The following ERC2 variants were observed in gnomAD, a reference collection of about 807,000 sequenced individuals.
ERC2 encodes ERC protein 2.
A neutral mutation model predicts 114.8 loss-of-function variants in ERC2; 42 were observed. The ratio of observed to expected loss-of-function variants is 0.37; its 90% CI spans 0.29 to 0.47. ERC2 has a LOEUF of 0.47. Among genes scored for constraint, ERC2 ranks in the 20% least tolerant of loss-of-function variants. The pLI, the probability that ERC2 is intolerant of heterozygous loss-of-function variation, is 0.99. For synonymous variants in ERC2, 454 were observed against 425.5 expected (o/e 1.07, Z -0.82); for missense variants, 939 against 1,150.7 (o/e 0.82, Z 2.66).
intron 2 of ERC2, among the ~76,000 whole-genome samples, chr3:56,401,982 G>A (rs1263901932): frequency 6.6e-6 from 1 of 152,170 alleles, no homozygotes; most frequent in South Asian, 2.1e-4. Context: ...TGTCTTACAT[G>A]GCAGCAAGCA....
At chr3:55,685,305 A>C (rs1394440308) in intron 16 of ERC2, among the ~76,000 whole-genome samples, 1 of 152,172 alleles carries the variant, frequency 6.6e-6, no homozygotes, top group Non-Finnish European at 1.5e-5. Context: ...ACTCAGTATG[A>C]ATTTTCACTT....
intron 17 of ERC2, among the ~76,000 whole-genome samples, chr3:55,644,683 A>G (rs1386314671): frequency 1.3e-5 from 2 of 152,032 alleles, no homozygotes; most frequent in African/African-American, 4.8e-5. Flanking sequence ...ATGATGAATA[A>G]ATAATATATA....
At chr3:56,439,618 C>A (rs1418965885) in intron 1 of ERC2, among the ~76,000 whole-genome samples, 2 of 151,428 alleles carry the variant, frequency 1.3e-5, no homozygotes, top group Non-Finnish European at 2.9e-5. Flanking sequence ...ATTGGCATTG[C>A]TTTGTATAAC....
chr3:55,534,916 A>C (rs970406780), intron 17 of ERC2, among the ~76,000 whole-genome samples: 1 of 152,194 alleles, frequency 6.6e-6, no homozygotes, highest in Non-Finnish European at 1.5e-5. Flanking sequence ...GCTGAGCATC[A>C]TGGTCAATGG....
intron 14 of ERC2, among the ~76,000 whole-genome samples, chr3:55,813,646 T>C (rs1325425606): frequency 1.3e-5 from 2 of 152,210 alleles, no homozygotes; most frequent in Non-Finnish European, 2.9e-5. Context: ...ATGCTAGCCT[T>C]CTTCTCAGTA....
chr3:56,447,576 T>C (rs1215599629), intron 1 of ERC2, among the ~76,000 whole-genome samples: 1 of 152,162 alleles, frequency 6.6e-6, no homozygotes, highest in East Asian at 1.9e-4. Context: ...TTGCAATATA[T>C]TGTAATATAC....
intron 16 of ERC2, among the ~76,000 whole-genome samples, chr3:55,692,377 G>A (rs917708606): frequency 3.9e-5 from 6 of 152,172 alleles, no homozygotes; most frequent in African/African-American, 1.4e-4. Flanking sequence ...AAAAGCAGGT[G>A]GGTTTTATGA....
At chr3:56,300,865 A>G (rs762557925) in intron 2 of ERC2, among the ~76,000 whole-genome samples, 5 of 152,226 alleles carry the variant, frequency 3.3e-5, no homozygotes, top group Non-Finnish European at 7.3e-5. Context: ...AAATGCTTCA[A>G]GATGGCAGGA....
At chr3:56,352,080 T>A (rs1242858243) in intron 2 of ERC2, among the ~76,000 whole-genome samples, 2 of 152,150 alleles carry the variant, frequency 1.3e-5, no homozygotes, top group African/African-American at 2.4e-5. Flanking sequence ...ATGAGATCTT[T>A]ACATTTTATC....
chr3:56,100,653 C>T (rs2045225585), intron 6 of ERC2, among the ~76,000 whole-genome samples: 1 of 152,214 alleles, frequency 6.6e-6, no homozygotes, highest in Non-Finnish European at 1.5e-5. Flanking sequence ...CAAATTTCAT[C>T]ATATTCATAA....
chr3:56,239,737 A>G (rs1021517963), intron 3 of ERC2, among the ~76,000 whole-genome samples: 3 of 152,216 alleles, frequency 2.0e-5, no homozygotes, highest in East Asian at 1.9e-4. Flanking sequence ...AAACAAGTAT[A>G]GTAAAAGAAA....
chr3:56,138,026 C>G (rs73078485), intron 6 of ERC2, among the ~76,000 whole-genome samples: 1,921 of 146,828 alleles, frequency 0.013, 14 homozygotes, highest in Middle Eastern at 0.018. Flanking sequence ...CACAGTGGAA[C>G]TATACACAAC....
intron 17 of ERC2, among the ~76,000 whole-genome samples, chr3:55,546,290 GC>G (rs1261156296): frequency 2.0e-5 from 3 of 152,082 alleles, no homozygotes; most frequent in African/African-American, 4.8e-5. Flanking sequence ...CCTTCCCTAT[GC>G]CCTCCTCCGG....
chr3:55,680,791 A>G (rs2062020835), intron 17 of ERC2, among the ~76,000 whole-genome samples: 2 of 152,348 alleles, frequency 1.3e-5, no homozygotes, highest in South Asian at 4.1e-4. Context: ...TAGGCATAAG[A>G]AAACAAGAGT....
At chr3:55,952,180 C>CACTATATA (rs1553749407) in intron 12 of ERC2, among the ~76,000 whole-genome samples, 7 of 25,560 alleles carry the variant, frequency 2.7e-4, no homozygotes, top group Non-Finnish European at 4.2e-4. Context: ...CACACACACA[C>CACTATATA]TCTCTCTCTC....
At chr3:56,087,882 G>T (rs28471370) in intron 6 of ERC2, among the ~76,000 whole-genome samples, 6,823 of 152,166 alleles carry the variant, frequency 0.045, 283 homozygotes, top group African/African-American at 0.11. Context: ...AAAGTTGGAA[G>T]TACGCATAAT....
intron 3 of ERC2, among the ~76,000 whole-genome samples, chr3:56,263,519 A>G (rs2053087406): frequency 6.6e-6 from 1 of 152,176 alleles, no homozygotes; most frequent in South Asian, 2.1e-4. Context: ...AAAGGATCAG[A>G]AGGGGTTGTT....
chr3:56,338,002 C>G (rs538792051), intron 2 of ERC2, among the ~76,000 whole-genome samples: 1 of 152,196 alleles, frequency 6.6e-6, no homozygotes, highest in South Asian at 2.1e-4. Context: ...ATGAAGGAAG[C>G]CAGACACAAA....
intron 14 of ERC2, 52 bp from the exon 15 acceptor site, chr3:55,734,970 A>G (rs1284029476): frequency 1.4e-5 from 20 of 1,444,880 alleles, no homozygotes; most frequent in Non-Finnish European, 1.7e-5. Flanking sequence ...AAAAAAAAAC[A>G]AACAATTGGC....
Sources: allele counts gnomAD v4.1 joint callset (sites outside exome capture counted in the v4.1 genomes callset), GRCh38; gene constraint gnomAD v4.1.1; transcripts MANE v1.5; gene names NCBI Gene and HGNC (gene_info 2026-07-23, HGNC 2026-07-21).